TACC1: variants seen among roughly 807,000 people sequenced by gnomAD.
TACC1 encodes transforming acidic coiled-coil-containing protein 1.
Under a neutral mutation model 84.4 loss-of-function variants are expected in TACC1, and 48 were observed. The observed-to-expected ratio is 0.57, with a 90% CI of 0.45 to 0.72. TACC1 has a LOEUF of 0.72. Ranked by LOEUF, TACC1 falls within the 30% of genes least tolerant of loss-of-function variation. The pLI, the probability that TACC1 is intolerant of heterozygous loss-of-function variation, is 0.00. For synonymous variants in TACC1, 372 were observed against 376.3 expected (o/e 0.99, Z 0.13); for missense variants, 920 against 973.0 (o/e 0.95, Z 0.72).
intron 6 of TACC1, among the ~76,000 whole-genome samples, chr8:38,834,226 A>C (rs1236520502): frequency 6.6e-6 from 1 of 152,192 alleles, no homozygotes; most frequent in African/African-American, 2.4e-5. Context: ...TCTGCTTCCA[A>C]GCTCACTCAT....
intron 2 of TACC1, chr8:38,805,786 A>G (rs1822555234): frequency 1.3e-5 from 2 of 152,240 alleles, no homozygotes; most frequent in Non-Finnish European, 2.9e-5. Context: ...GAGTGCCGAC[A>G]TTGAACATCT....
intron 11 of TACC1, 163 bp from the exon 12 acceptor site, chr8:38,846,536 A>G (rs970245598): frequency 2.9e-6 from 2 of 692,994 alleles, no homozygotes; most frequent in Non-Finnish European, 4.5e-6. Flanking sequence ...ATAAATTAAA[A>G]TGGAATTATT....
intron 3 of TACC1, among the ~76,000 whole-genome samples, chr8:38,764,167 T>C (rs1195937228): frequency 1.3e-5 from 2 of 152,132 alleles, no homozygotes; most frequent in Non-Finnish European, 2.9e-5. Context: ...AACCTCCACC[T>C]TCCTGGTTCA....
intron 3 of TACC1, among the ~76,000 whole-genome samples, chr8:38,782,167 C>G (rs1239484730): frequency 6.6e-6 from 1 of 151,952 alleles, no homozygotes; most frequent in East Asian, 1.9e-4. Flanking sequence ...CTATCCCTCA[C>G]CCATCCCCCC....
At chr8:38,784,399 C>A (rs1264098964), upstream of TACC1, among the ~76,000 whole-genome samples, 3 of 151,988 alleles carry the variant, frequency 2.0e-5, no homozygotes, top group Non-Finnish European at 4.4e-5. Context: ...AACCCCGTCT[C>A]TACTAAAAAA....
chr8:38,838,931 C>CT (rs1830717472), intron 8 of TACC1, among the ~76,000 whole-genome samples: 1 of 151,856 alleles, frequency 6.6e-6, no homozygotes, highest in African/African-American at 2.4e-5. Context: ...GGGTCTCACT[C>CT]TGTCATCCAG....
rs765589217 is a variant in TACC1, at chr8:38,787,613, C to T, written c.31C>T (p.Pro11Ser). The T allele has an allele frequency of 1.3e-6, 2 of 1,546,256 alleles. No individual in the cohort carries two copies. Among genetic ancestry groups the T allele is most frequent in the South Asian group, 1.2e-5 (1 of 84,148 alleles). The change falls in exon 1 of 13, where the codon CCC becomes TCC. Residue 11 changes from proline to serine, a missense_variant. Around this residue, in one of 2 missense-constraint regions of TACC1, gnomAD observed 762 missense variants for 747.3 expected, o/e 1.02. Coordinates refer to ENST00000317827, the MANE Select transcript of TACC1 (RefSeq NM_006283.3). ...GTTCAGCCCGTGGCAGATCCTGTCCCCCGTGCAGTGGGCGAAATGGACGTG... is the reference window on the plus strand; with the variant it reads ...GTTCAGCCCGTGGCAGATCCTGTCCTCCGTGCAGTGGGCGAAATGGACGTG... Reference protein sequence around the residue: MAFSPWQILSPVQWAKWTWSA... With the variant: MAFSPWQILSSVQWAKWTWSA...
At chr8:38,735,507 G>A (rs1805795742) in intron 1 of TACC1, among the ~76,000 whole-genome samples, 1 of 152,156 alleles carries the variant, frequency 6.6e-6, no homozygotes, top group Non-Finnish European at 1.5e-5. Flanking sequence ...GGAGGGGAGT[G>A]TGTCATGGAG....
In TACC1 at chr8:38,787,244, G is replaced by A. The variant is rs902580788; in HGVS notation, c.-339G>A. 8.8e-6 allele frequency: 9 copies of A among 1,018,234 alleles called. No homozygotes were observed. The highest frequency in any genetic ancestry group is 8.5e-5 in the African/African-American group (5 of 58,558). 63.1% of individuals were successfully genotyped at this position (1,018,234 alleles called of 1,614,324 possible). A position where few individuals can be genotyped will look rare whatever the true frequency, so the allele number is the denominator to read the frequency against. ...CGCCGGCCGGGAGGCGGGAGTCCGC[G>A]AGCCGGGAGCGGGAGCAGCAGAGGT... On this transcript the variant is annotated 5_prime_UTR_variant, in exon 1 of 13. Transcript: ENST00000317827.
Position 38,849,419 on chromosome 8 carries a change from A to C in TACC1, c.*1396A>C, listed in dbSNP as rs555985323. 4 of 152,346 alleles carry C rather than the reference A, an allele frequency of 2.6e-5. No individual in the cohort carries two copies. Among genetic ancestry groups the C allele is most frequent in the African/African-American group, 9.6e-5 (4 of 41,586 alleles). The allele number at this position is 152,346 out of a possible 1,614,324, so 9.4% of individuals were successfully genotyped here. On this transcript the variant is annotated 3_prime_UTR_variant, in exon 13 of 13. Transcript: ENST00000317827. ...CATTTGAATAGGCAAACCCAAATCC[A>C]TGCAAGTGTTTTAAAGCACTGTCCT...
rs779666473 is a variant in TACC1 at position 38,827,120 on chromosome 8, A to C, written c.1453-48A>C. 4 of 1,554,012 alleles carry C rather than the reference A, an allele frequency of 2.6e-6. No individual in the cohort carries two copies. In the African/African-American group the frequency reaches 5.4e-5, roughly 21 times the overall value. On this transcript the variant is annotated intron_variant, in intron 4 of 12. Coordinates refer to ENST00000317827, the MANE Select transcript of TACC1 (RefSeq NM_006283.3). ...CATTCATGGGATGTCACTTTTCCCC[A>C]TTGCTTGCCCTCCTAAAGGGTAGCA...
intron 2 of TACC1, among the ~76,000 whole-genome samples, chr8:38,818,495 A>C (rs1447992534): frequency 1.3e-5 from 2 of 152,226 alleles, no homozygotes; most frequent in Non-Finnish European, 2.9e-5. Flanking sequence ...ACCACAATTA[A>C]AAAGGATTTT....
At chr8:38,787,170 G>T (rs1354959790), upstream of TACC1, 8 of 985,008 alleles carry the variant, frequency 8.1e-6, no homozygotes, top group Non-Finnish European at 9.6e-6. Context: ...AGTACGGTCC[G>T]AGGGGGCGGC....
At chr8:38,786,995 C>T (rs1048191491), upstream of TACC1, among the ~76,000 whole-genome samples, 2 of 151,900 alleles carry the variant, frequency 1.3e-5, no homozygotes, top group African/African-American at 2.4e-5. Context: ...CTGCCCCGGA[C>T]GCCGGCGGAC....
Position 38,787,744 on chromosome 8 carries a change from G to T in TACC1, c.161+1G>T. The stretch of plus-strand genomic sequence containing the variant: ...CCGAGACCAAATCCTTGAGTTTCAG[G>T]CAAGTACACGGCGTCCCCGCTGAGA... On this transcript the variant is annotated splice_donor_variant, in intron 1 of 12. Transcript: ENST00000317827. LOFTEE classifies it high-confidence loss of function. 7 of 1,533,532 alleles carry T rather than the reference G, an allele frequency of 4.6e-6. No homozygotes were observed. Among genetic ancestry groups the T allele is most frequent in the Non-Finnish European group, 6.1e-6 (7 of 1,148,602 alleles). 95.0% of individuals were successfully genotyped at this position (1,533,532 alleles called of 1,614,324 possible).
chr8:38,825,238 C>T (rs1827775877), intron 3 of TACC1, 70 bp from the exon 4 acceptor site: 2 of 1,531,034 alleles, frequency 1.3e-6, no homozygotes, highest in Non-Finnish European at 1.8e-6. Context: ...CTGCTGTCTG[C>T]TCCATTTCAT....
At chr8:38,762,492 A>G (rs556870323) in intron 3 of TACC1, among the ~76,000 whole-genome samples, 3 of 151,878 alleles carry the variant, frequency 2.0e-5, no homozygotes, top group African/African-American at 7.2e-5. Context: ...GTGTATATAT[A>G]CCACATTTTG....
chr8:38,767,803 G>T (rs1587441521), intron 3 of TACC1, among the ~76,000 whole-genome samples: 1 of 152,186 alleles, frequency 6.6e-6, no homozygotes, highest in Non-Finnish European at 1.5e-5. Context: ...AGTGGCTCAC[G>T]TCTGTAATCC....
At chr8:38,778,442 A>T (rs1325752524) in intron 3 of TACC1, among the ~76,000 whole-genome samples, 2 of 151,698 alleles carry the variant, frequency 1.3e-5, no homozygotes, top group Non-Finnish European at 2.9e-5. Context: ...GGTCAGTGTG[A>T]CCCCCTCGCT....
Sources: gnomAD v4.1 joint callset for allele counts (sites outside exome capture counted in the v4.1 genomes callset) on GRCh38, gnomAD v4.1.1 for gene constraint, gnomAD v4.1.1 regional missense constraint, MANE v1.5 for transcripts, NCBI Gene and HGNC (gene_info 2026-07-23, HGNC 2026-07-21) for gene names.